Variants in LINGO2 observed in about 807,000 individuals in gnomAD.
The protein encoded by LINGO2 is leucine rich repeat and Ig domain containing 2, also known as leucine-rich repeat and immunoglobulin-like domain-containing nogo receptor-interacting protein 2.
A neutral mutation model predicts 30.6 loss-of-function variants in LINGO2; 14 were observed. The observed-to-expected ratio is 0.46, with a 90% CI of 0.30 to 0.72. The LOEUF (loss-of-function observed/expected upper bound fraction) is 0.72, where lower values mean the gene tolerates loss of function less well. LINGO2 is among the 30% of genes least tolerant of loss of function. The pLI, the probability that LINGO2 is intolerant of heterozygous loss-of-function variation, is 0.07. For missense variants in LINGO2, 729 were observed against 751.7 expected (o/e 0.97, Z 0.35); for synonymous variants, 317 against 288.5 (o/e 1.10, Z -1.00).
chr9:28,254,093 C>T (rs772785631), intron 4 of LINGO2, among the ~76,000 whole-genome samples: 7 of 152,050 alleles, frequency 4.6e-5, no homozygotes, highest in Admixed American at 1.3e-4. Flanking sequence ...CAAGGACCCC[C>T]GTCTTTAGCT....
intron 4 of LINGO2, among the ~76,000 whole-genome samples, chr9:28,225,493 G>A (rs941856840): frequency 6.6e-6 from 1 of 151,960 alleles, no homozygotes; most frequent in East Asian, 1.9e-4. Flanking sequence ...TAAACATAAT[G>A]TCAATACAGT....
At chr9:28,780,959 T>C in the LINGO2 span, among the ~76,000 whole-genome samples, 1 of 151,518 alleles carries the variant, frequency 6.6e-6, no homozygotes, top group Admixed American at 6.6e-5. Flanking sequence ...GAGTAGGAAA[T>C]TACAGTAACA....
the LINGO2 span, among the ~76,000 whole-genome samples, chr9:29,186,972 A>T: frequency 6.6e-6 from 1 of 152,162 alleles, no homozygotes; most frequent in Non-Finnish European, 1.5e-5. Context: ...TATAGACTCC[A>T]TTTGGTTTTT....
chr9:28,798,872 CAT>C, the LINGO2 span, among the ~76,000 whole-genome samples: 2 of 151,924 alleles, frequency 1.3e-5, no homozygotes, highest in Non-Finnish European at 2.9e-5. Context: ...AATAAGGACA[CAT>C]ATGTGAGAGG....
At chr9:28,685,637 T>A in the LINGO2 span, among the ~76,000 whole-genome samples, 3 of 152,196 alleles carry the variant, frequency 2.0e-5, no homozygotes, top group Non-Finnish European at 4.4e-5. Context: ...TTTTAGTCAT[T>A]TTGGAGTGGA....
At chr9:28,545,180 G>A (rs923808587) in intron 1 of LINGO2, among the ~76,000 whole-genome samples, 2 of 152,104 alleles carry the variant, frequency 1.3e-5, no homozygotes, top group African/African-American at 4.8e-5. Context: ...ATTGTATAAA[G>A]GGACCGATAA....
At chr9:29,116,561 T>C in the LINGO2 span, among the ~76,000 whole-genome samples, 1 of 152,070 alleles carries the variant, frequency 6.6e-6, no homozygotes, top group Non-Finnish European at 1.5e-5. Context: ...AAAATGGTGA[T>C]CACATTAATT....
chr9:28,809,302 C>T, the LINGO2 span, among the ~76,000 whole-genome samples: 1 of 152,180 alleles, frequency 6.6e-6, no homozygotes, highest in African/African-American at 2.4e-5. Context: ...ATCCTTGGCA[C>T]CTGCCTGACT....
chr9:28,621,584 A>G (rs1016032136), intron 1 of LINGO2, among the ~76,000 whole-genome samples: 1 of 152,102 alleles, frequency 6.6e-6, no homozygotes, highest in South Asian at 2.1e-4. Flanking sequence ...TTTTATTCCA[A>G]ATGTTCCTGA....
intron 4 of LINGO2, among the ~76,000 whole-genome samples, chr9:28,134,847 G>A (rs1427419931): frequency 6.6e-6 from 1 of 152,164 alleles, no homozygotes; most frequent in Admixed American, 6.5e-5. Flanking sequence ...AATAGGGAAC[G>A]TGGCATGCAG....
chr9:28,404,244 C>A (rs146397521), intron 2 of LINGO2, among the ~76,000 whole-genome samples: 1,546 of 152,012 alleles, frequency 0.01, 91 homozygotes, highest in Admixed American at 0.092. Context: ...TCTTTCATTG[C>A]TTATTTCTGT....
the LINGO2 span, among the ~76,000 whole-genome samples, chr9:28,852,949 A>T: frequency 6.6e-6 from 1 of 152,032 alleles, no homozygotes; most frequent in Non-Finnish European, 1.5e-5. Flanking sequence ...GCATAATTAC[A>T]TGTGTAGTGA....
At chr9:27,973,846 C>G (rs1386401298) in intron 5 of LINGO2, among the ~76,000 whole-genome samples, 1 of 152,150 alleles carries the variant, frequency 6.6e-6, no homozygotes, top group Non-Finnish European at 1.5e-5. Context: ...AGTGTTTTAT[C>G]AAAAGCCAGA....
At chr9:28,285,398 ATTTT>A (rs34034595) in intron 4 of LINGO2, among the ~76,000 whole-genome samples, 42 of 76,194 alleles carry the variant, frequency 5.5e-4, no homozygotes, top group African/African-American at 2.2e-3. Context: ...GCCCAAGATC[ATTTT>A]TTTTTTTTTT....
At chr9:28,220,010 A>G (rs1820901361) in intron 4 of LINGO2, among the ~76,000 whole-genome samples, 1 of 152,160 alleles carries the variant, frequency 6.6e-6, no homozygotes, top group Non-Finnish European at 1.5e-5. Flanking sequence ...AGCCTGCACA[A>G]AGTTTTTTTC....
At chr9:28,817,321 CTAAGT>C in the LINGO2 span, among the ~76,000 whole-genome samples, 2 of 152,158 alleles carry the variant, frequency 1.3e-5, no homozygotes, top group Non-Finnish European at 2.9e-5. Context: ...GCTATCTTAA[CTAAGT>C]TATGCAGAAA....
At chr9:28,918,309 C>A in the LINGO2 span, among the ~76,000 whole-genome samples, 2 of 152,276 alleles carry the variant, frequency 1.3e-5, no homozygotes, top group African/African-American at 4.8e-5. Flanking sequence ...ACCACCCCCC[C>A]AGGGTTCAAA....
chr9:28,926,089 C>T, the LINGO2 span, among the ~76,000 whole-genome samples: 11 of 152,154 alleles, frequency 7.2e-5, no homozygotes, highest in East Asian at 1.9e-4. Context: ...TCGAGGTTGG[C>T]GGATCATGAG....
At chr9:29,202,268 T>C in the LINGO2 span, among the ~76,000 whole-genome samples, 1 of 151,930 alleles carries the variant, frequency 6.6e-6, no homozygotes, top group African/African-American at 2.4e-5. Context: ...TTATTGAGAA[T>C]ATGATACTAA....
Sources: gnomAD v4.1 joint callset for allele counts (sites outside exome capture counted in the v4.1 genomes callset) on GRCh38, gnomAD v4.1.1 for gene constraint, MANE v1.5 for transcripts, NCBI Gene and HGNC (gene_info 2026-07-23, HGNC 2026-07-21) for gene names.